The following GRM1 variants were observed in gnomAD, a reference collection of about 807,000 sequenced individuals.
The protein encoded by GRM1 is metabotropic glutamate receptor 1.
GRM1 carries 33 observed loss-of-function variants against 90.9 expected under a neutral mutation model. The observed-to-expected ratio is 0.36, with a 90% confidence interval of 0.28 to 0.49. The LOEUF is 0.49. Ranked by LOEUF, GRM1 falls within the 20% of genes least tolerant of loss-of-function variation. The pLI, the probability that GRM1 is intolerant of heterozygous loss-of-function variation, is 0.99. For missense variants in GRM1, 1,190 were observed against 1,534.3 expected, an observed-to-expected ratio of 0.78 and a Z score of 3.75; for synonymous variants, 700 against 613.2, an observed-to-expected ratio of 1.14 and a Z score of -2.09.
intron 2 of GRM1, among the ~76,000 whole-genome samples, chr6:146,234,577 G>A (rs1780569230): frequency 1.3e-5 from 2 of 151,796 alleles, no homozygotes; most frequent in South Asian, 2.1e-4. Flanking sequence ...TCAGTGTAAG[G>A]ACATAATAAC....
At chr6:146,032,779 G>C (rs1433615207) in intron 1 of GRM1, among the ~76,000 whole-genome samples, 2 of 152,110 alleles carry the variant, frequency 1.3e-5, no homozygotes, top group African/African-American at 4.8e-5. Flanking sequence ...ATCGTTTCTT[G>C]TATTAGAAGT....
intron 1 of GRM1, among the ~76,000 whole-genome samples, chr6:146,085,115 G>A (rs1776495706): frequency 6.6e-6 from 1 of 151,784 alleles, no homozygotes; most frequent in African/African-American, 2.4e-5. Context: ...TTAATCTCTG[G>A]GCAGAAAATG....
At chr6:146,331,330 T>G (rs362978) in intron 3 of GRM1, among the ~76,000 whole-genome samples, 2,936 of 152,228 alleles carry the variant, frequency 0.019, 39 homozygotes, top group Admixed American at 0.027. Context: ...GAGAACACAT[T>G]AGGGAAGAAA....
rs1778548357 is a variant in GRM1 at position 146,434,918 on chromosome 6, G to T, written c.*122G>T. Reference sequence around the variant, plus strand: ...GGCCTCGTCGGGAGGACAGGAGACCGCTGCTGCTGCTGCCGCTACTGCTGC... The same window carrying T: ...GGCCTCGTCGGGAGGACAGGAGACCTCTGCTGCTGCTGCCGCTACTGCTGC... On this transcript the variant is annotated 3_prime_UTR_variant, in exon 8 of 8. Coordinates refer to ENST00000282753, the MANE Select transcript of GRM1 (RefSeq NM_001278064.2). 1 of 801,596 alleles carries T rather than the reference G, an allele frequency of 1.2e-6. No individual in the cohort carries two copies. Among genetic ancestry groups the T allele is most frequent in the Non-Finnish European group, 2.1e-6 (1 of 475,736 alleles). The allele number at this position is 801,596 out of a possible 1,614,324, so 49.7% of individuals were successfully genotyped here.
chr6:146,313,285 T>C (rs1007425064), intron 3 of GRM1, among the ~76,000 whole-genome samples: 3 of 152,224 alleles, frequency 2.0e-5, no homozygotes, highest in African/African-American at 7.2e-5. Context: ...TAACTATTAA[T>C]AAGTTCTTTA....
intron 2 of GRM1, among the ~76,000 whole-genome samples, chr6:146,194,307 C>A (rs2114592657): frequency 6.6e-6 from 1 of 152,100 alleles, no homozygotes; most frequent in East Asian, 1.9e-4. Context: ...TTTGCCAGTT[C>A]CCATGACACA....
intron 3 of GRM1, among the ~76,000 whole-genome samples, chr6:146,338,608 C>T (rs1784861044): frequency 1.3e-5 from 2 of 152,180 alleles, no homozygotes; most frequent in South Asian, 4.1e-4. Flanking sequence ...TCCACTGAGC[C>T]TGTCTATGCT....
intron 1 of GRM1, among the ~76,000 whole-genome samples, chr6:146,117,126 T>A (rs1293836198): frequency 6.6e-6 from 1 of 151,362 alleles, no homozygotes; most frequent in Non-Finnish European, 1.5e-5. Flanking sequence ...TAAGTTTCTC[T>A]TTCAATTTTC....
At chr6:146,296,065 TA>T (rs908950605) in intron 2 of GRM1, among the ~76,000 whole-genome samples, 6 of 152,264 alleles carry the variant, frequency 3.9e-5, no homozygotes, top group Non-Finnish European at 8.8e-5. Flanking sequence ...CATTCTGTTT[TA>T]TGGCTGCATA....
chr6:146,381,678 T>C (rs976809893), intron 5 of GRM1, among the ~76,000 whole-genome samples: 1 of 152,212 alleles, frequency 6.6e-6, no homozygotes, highest in African/African-American at 2.4e-5. Context: ...TATTCCGCCA[T>C]CTTGCTCCAC....
Position 146,429,988 on chromosome 6 carries a change from G to A in GRM1, c.2661-3884G>A, listed in dbSNP as rs556471811. Reference sequence around the variant, plus strand: ...TGTAAGCTTCCCCTTCAGGCAGTTTGTGCAGGAGGCTTCCCTCCTGATGAT... The same window carrying A: ...TGTAAGCTTCCCCTTCAGGCAGTTTATGCAGGAGGCTTCCCTCCTGATGAT... On this transcript the variant is annotated intron_variant, in intron 7 of 7. Coordinates refer to ENST00000282753, the MANE Select transcript of GRM1 (RefSeq NM_001278064.2). Among the ~76,000 whole-genome samples, 10 of 152,292 alleles carry A rather than the reference G, an allele frequency of 6.6e-5. No homozygotes were observed. The East Asian group carries it at 1.9e-3, about 29-fold the overall frequency.
chr6:146,292,714 C>T (rs540484182), intron 2 of GRM1, among the ~76,000 whole-genome samples: 1 of 151,782 alleles, frequency 6.6e-6, no homozygotes, highest in Non-Finnish European at 1.5e-5. Context: ...TTGGTAGTTC[C>T]AAAAAAGCTA....
Position 146,257,326 on chromosome 6 carries a change from G to A in GRM1, c.951-47285G>A, listed in dbSNP as rs1373886738. Reference sequence around the variant, plus strand: ...TGTTTTTAAGCCCCATAGTGGCTGTGTAGCATTGAGTATTTAGCAGGGAGT... The same window carrying A: ...TGTTTTTAAGCCCCATAGTGGCTGTATAGCATTGAGTATTTAGCAGGGAGT... On this transcript the variant is annotated intron_variant, in intron 2 of 7. Transcript: ENST00000282753. Among the ~76,000 whole-genome samples, 5 of 152,222 alleles carry A rather than the reference G, an allele frequency of 3.3e-5. No homozygotes were observed. The East Asian group carries it at 5.8e-4, about 18-fold the overall frequency.
chr6:146,386,835 TAGA>T (rs1283696471), intron 5 of GRM1, 52 bp from the exon 6 acceptor site: 152 of 1,408,548 alleles, frequency 1.1e-4, no homozygotes, highest in Non-Finnish European at 1.5e-4. Context: ...TCATCTGAAA[TAGA>T]AGCTTTTCTG....
intron 1 of GRM1, among the ~76,000 whole-genome samples, chr6:146,032,892 A>G (rs1790757122): frequency 6.6e-6 from 1 of 152,124 alleles, no homozygotes; most frequent in South Asian, 2.1e-4. Context: ...TTGTTTTTGA[A>G]TGGTACAGTT....
Position 146,398,899 on chromosome 6 carries a change from A to T in GRM1, c.1860A>T (p.Thr620=), listed in dbSNP as rs760274264. 2 of 1,613,858 alleles carry T rather than the reference A, an allele frequency of 1.2e-6. No homozygotes were observed. Among genetic ancestry groups the T allele is most frequent in the Middle Eastern group, 1.6e-4 (1 of 6,084 alleles). The change falls in exon 7 of 8, where the codon ACA becomes ACT. Residue 620 remains threonine, a synonymous_variant. Transcript: ENST00000282753. ...TAATCTTTGTACTGTACCGGGACAC[A>T]CCAGTGGTCAAATCCTCCAGTCGGG... The part of the protein sequence containing the change: ...VTLIFVLYRD[T]PVVKSSSREL...
intron 2 of GRM1, among the ~76,000 whole-genome samples, chr6:146,198,003 A>C (rs913018602): frequency 2.0e-5 from 3 of 152,244 alleles, no homozygotes; most frequent in African/African-American, 4.8e-5. Flanking sequence ...TTACCACAAT[A>C]AAAACAAAAA....
Position 146,043,782 on chromosome 6 carries a change from G to GATATATATATATATATATATATATATAT in GRM1, c.700+13567_700+13594dup, listed in dbSNP as rs3064997. 2.3e-3 allele frequency among the ~76,000 whole-genome samples: 209 copies of GATATATATATATATATATATATATATAT among 89,842 alleles called. 2 individuals carry two copies. The highest frequency in any genetic ancestry group is 6.9e-3 in the Middle Eastern group (1 of 144). 58.9% of individuals were successfully genotyped at this position (89,842 alleles called of 152,430 possible). A position where few individuals can be genotyped will look rare whatever the true frequency, so the allele number is the denominator to read the frequency against. ...ACTCTATTTTTGGAAAGAGTCAGGT[G>GATATATATATATATATATATATATATAT]ATATATATATATATATATATATATA... On this transcript the variant is annotated intron_variant, in intron 1 of 7. Coordinates refer to ENST00000282753, the MANE Select transcript of GRM1 (RefSeq NM_001278064.2).
intron 2 of GRM1, among the ~76,000 whole-genome samples, chr6:146,209,160 G>A (rs539221674): frequency 1.3e-5 from 2 of 152,240 alleles, no homozygotes; most frequent in South Asian, 2.1e-4. Flanking sequence ...GACCAGGACT[G>A]AAATCTAAAT....
Sources: allele counts gnomAD v4.1 joint callset (sites outside exome capture counted in the v4.1 genomes callset), GRCh38; gene constraint gnomAD v4.1.1; transcripts MANE v1.5; gene names NCBI Gene and HGNC (gene_info 2026-07-23, HGNC 2026-07-21).